The following LRP6 variants were observed in gnomAD, a reference collection of about 807,000 sequenced individuals.
The protein encoded by LRP6 is LDL receptor related protein 6.
Under a neutral mutation model 184.1 loss-of-function variants are expected in LRP6, and 43 were observed. The observed-to-expected ratio is 0.23, with a 90% CI of 0.18 to 0.30. LRP6 has a LOEUF of 0.30. Among genes scored for constraint, LRP6 ranks in the 10% least tolerant of loss-of-function variants. The pLI, the probability that LRP6 is intolerant of heterozygous loss-of-function variation, is 1.00. For synonymous variants in LRP6, 719 were observed against 684.9 expected, an observed-to-expected ratio of 1.05 and a Z score of -0.78; for missense variants, 1,571 against 2,005.3, an observed-to-expected ratio of 0.78 and a Z score of 4.14.
chr12:12,135,501 ATTATTATTT>A (rs1468918763), intron 16 of LRP6, among the ~76,000 whole-genome samples: 1 of 148,588 alleles, frequency 6.7e-6, no homozygotes, highest in Non-Finnish European at 1.5e-5. Context: ...TATTATTATT[ATTATTATTT>A]TGAGACAGAG....
chr12:12,187,363 A>G (rs1213427471), intron 3 of LRP6: 1 of 519,714 alleles, frequency 1.9e-6, no homozygotes, highest in African/African-American at 1.9e-5. Context: ...AGCAGCCTCA[A>G]GTTCAGTACA....
intron 2 of LRP6, among the ~76,000 whole-genome samples, chr12:12,231,944 G>A (rs1202022710): frequency 6.6e-6 from 1 of 151,798 alleles, no homozygotes; most frequent in East Asian, 1.9e-4. Context: ...GAGCTTGGGA[G>A]GCAAAGGTTG....
intron 2 of LRP6, among the ~76,000 whole-genome samples, chr12:12,231,917 AGATGGGAG>A (rs1173580234): frequency 6.6e-6 from 1 of 151,838 alleles, no homozygotes; most frequent in Non-Finnish European, 1.5e-5. Context: ...TAGGAGGCTA[AGATGGGAG>A]GATTGCTTGA....
chr12:12,243,135 A>G (rs1865105958), intron 2 of LRP6, among the ~76,000 whole-genome samples: 1 of 152,236 alleles, frequency 6.6e-6, no homozygotes, highest in African/African-American at 2.4e-5. Context: ...ATACTTAGCC[A>G]TGACAGACTA....
In LRP6 at chr12:12,197,973, A is replaced by T. The variant is rs146638905; in HGVS notation, c.647+5230T>A. On this transcript the variant is annotated intron_variant, in intron 3 of 22. Coordinates refer to ENST00000261349, the MANE Select transcript of LRP6 (RefSeq NM_002336.3). ...GGTGGGAGGATAGCTTGTGCCCAAG[A>T]GGCAGAGGTTGCAGTGAACAGATTC... 3.9e-5 allele frequency among the ~76,000 whole-genome samples: 6 copies of T among 152,368 alleles called. No individual in the cohort carries two copies. The East Asian group carries it at 1.2e-3, about 29-fold the overall frequency.
intron 2 of LRP6, among the ~76,000 whole-genome samples, chr12:12,206,308 C>T (rs377144558): frequency 2.6e-5 from 4 of 151,986 alleles, no homozygotes; most frequent in East Asian, 3.9e-4. Flanking sequence ...TTTGGGAGGC[C>T]GAGGCGGGCA....
At chr12:12,147,683 A>AT (rs1014869602) in intron 14 of LRP6, 127 bp from the exon 15 acceptor site, 3 of 812,642 alleles carry the variant, frequency 3.7e-6, no homozygotes, top group African/African-American at 3.4e-5. Context: ...TAAAATACGT[A>AT]TTTTTTGACC....
chr12:12,200,003 C>T (rs1256426175), intron 3 of LRP6, among the ~76,000 whole-genome samples: 1 of 139,468 alleles, frequency 7.2e-6, no homozygotes, highest in Admixed American at 7.4e-5. Flanking sequence ...AAACACAAGG[C>T]TCTTCTCATC....
At chr12:12,166,990 T>C (rs1034016234) in intron 7 of LRP6, among the ~76,000 whole-genome samples, 12 of 152,118 alleles carry the variant, frequency 7.9e-5, no homozygotes, top group Admixed American at 2.6e-4. Context: ...TCCTAGCTAC[T>C]AGGGAGGCTA....
At chr12:12,218,229 T>C (rs1864397529) in intron 2 of LRP6, among the ~76,000 whole-genome samples, 1 of 152,112 alleles carries the variant, frequency 6.6e-6, no homozygotes, top group Non-Finnish European at 1.5e-5. Context: ...TCCCAGCGAC[T>C]GGGGAGGCCA....
intron 22 of LRP6, among the ~76,000 whole-genome samples, chr12:12,123,195 C>T (rs1949627091): frequency 6.6e-6 from 1 of 152,182 alleles, no homozygotes; most frequent in African/African-American, 2.4e-5. Context: ...TTTATGCAAT[C>T]GTGTTTATTC....
intron 2 of LRP6, among the ~76,000 whole-genome samples, chr12:12,210,539 A>G (rs530969520): frequency 1.3e-5 from 2 of 152,328 alleles, no homozygotes; most frequent in South Asian, 4.1e-4. Flanking sequence ...TAACAGTCAA[A>G]GAAGTTGGTC....
intron 22 of LRP6, among the ~76,000 whole-genome samples, 161 bp from the exon 23 acceptor site, chr12:12,121,581 G>A (rs761626812): frequency 2.6e-5 from 4 of 152,212 alleles, no homozygotes; most frequent in East Asian, 1.9e-4. Context: ...TGGCAGATTC[G>A]CTGAGGAAAA....
At chr12:12,235,954 G>A (rs779764852) in intron 2 of LRP6, among the ~76,000 whole-genome samples, 8 of 151,862 alleles carry the variant, frequency 5.3e-5, no homozygotes, top group Admixed American at 2.6e-4. Context: ...GGCTGGACGC[G>A]GTGGCTCACG....
intron 21 of LRP6, among the ~76,000 whole-genome samples, 196 bp from the exon 22 acceptor site, chr12:12,124,858 T>C (rs922081824): frequency 6.6e-6 from 1 of 152,162 alleles, no homozygotes; most frequent in African/African-American, 2.4e-5. Flanking sequence ...TCATCATGGC[T>C]AAAAAGTGCA....
intron 2 of LRP6, among the ~76,000 whole-genome samples, chr12:12,237,257 C>T (rs1206675212): frequency 1.3e-5 from 2 of 152,042 alleles, no homozygotes; most frequent in Non-Finnish European, 2.9e-5. Context: ...GGACTGAGAC[C>T]AAATATATTT....
chr12:12,231,553 T>G (rs1028546134), intron 2 of LRP6, among the ~76,000 whole-genome samples: 4 of 152,126 alleles, frequency 2.6e-5, no homozygotes, highest in South Asian at 2.1e-4. Flanking sequence ...AAATTAAATA[T>G]AAAAAATGAC....
At chr12:12,185,420 T>C (rs1166425432) in intron 4 of LRP6, among the ~76,000 whole-genome samples, 1 of 151,690 alleles carries the variant, frequency 6.6e-6, no homozygotes, top group East Asian at 1.9e-4. Context: ...TATGGGCTCA[T>C]GATCATCAGA....
intron 2 of LRP6, among the ~76,000 whole-genome samples, chr12:12,212,211 G>A (rs1034848826): frequency 3.0e-4 from 46 of 152,122 alleles, no homozygotes; most frequent in Admixed American, 8.5e-4. Context: ...CTAGCATAAT[G>A]CCAAGTACAC....
Sources: gnomAD v4.1 joint callset for allele counts (sites outside exome capture counted in the v4.1 genomes callset) on GRCh38, gnomAD v4.1.1 for gene constraint, MANE v1.5 for transcripts, NCBI Gene and HGNC (gene_info 2026-07-23, HGNC 2026-07-21) for gene names.